The following HDX variants were observed in gnomAD, a reference collection of about 807,000 sequenced individuals.
The protein encoded by HDX is chromosome X open reading frame 43.
In HDX, 19 loss-of-function variants were observed where a neutral mutation model predicts 45.2. The ratio of observed to expected loss-of-function variants is 0.42; its 90% confidence interval spans 0.29 to 0.62. HDX has a LOEUF of 0.62. HDX is among the 20% of genes least tolerant of loss of function. HDX has a pLI of 0.20. For synonymous variants in HDX, 188 were observed against 172.8 expected (o/e 1.09, Z -0.69); for missense variants, 532 against 493.9 (o/e 1.08, Z -0.73).
intron 6 of HDX, among the ~76,000 whole-genome samples, 181 bp from the exon 7 acceptor site, chrX:84,344,638 T>A (rs1535040): frequency 0.084 from 9,299 of 111,173 alleles, 393 homozygotes; most frequent in East Asian, 0.26. Context: ...TATATTTTTA[T>A]AACTTATTTT....
At chrX:84,369,613 C>T (rs7890551) in intron 5 of HDX, among the ~76,000 whole-genome samples, 4,646 of 111,685 alleles carry the variant, frequency 0.042, 227 homozygotes, top group African/African-American at 0.14. Flanking sequence ...GTTTTTGCAC[C>T]TCTGTGTGTT....
At chrX:84,469,994 G>GAAACA (rs2040425864) in intron 3 of HDX, among the ~76,000 whole-genome samples, 1 of 111,320 alleles carries the variant, frequency 9.0e-6, no homozygotes, top group South Asian at 3.7e-4. Flanking sequence ...CATACTAAAG[G>GAAACA]TAGGCTATTT....
At chrX:84,389,267 A>T (rs758099525) in intron 5 of HDX, among the ~76,000 whole-genome samples, 8 of 111,080 alleles carry the variant, frequency 7.2e-5, no homozygotes, top group Non-Finnish European at 1.3e-4. Context: ...CCCTTCAATC[A>T]CCACTGCCAC....
chrX:84,334,853 T>C (rs1402556829), intron 8 of HDX, among the ~76,000 whole-genome samples: 2 of 110,482 alleles, frequency 1.8e-5, no homozygotes, highest in Non-Finnish European at 1.9e-5. Flanking sequence ...AGCACATAAA[T>C]AGCAACATGT....
intron 5 of HDX, among the ~76,000 whole-genome samples, chrX:84,399,241 G>A (rs2038639124): frequency 9.3e-6 from 1 of 107,128 alleles, no homozygotes; most frequent in Non-Finnish European, 1.9e-5. Context: ...AGGAGATAGA[G>A]ACACAAACCC....
At chrX:84,402,188 T>C (rs956646806) in intron 5 of HDX, among the ~76,000 whole-genome samples, 7 of 111,678 alleles carry the variant, frequency 6.3e-5, no homozygotes, top group Non-Finnish European at 1.1e-4. Flanking sequence ...TCTGCACTGG[T>C]ATTCTGGAAC....
intron 5 of HDX, among the ~76,000 whole-genome samples, chrX:84,379,316 G>A (rs2038131231): frequency 1.8e-5 from 2 of 110,078 alleles, no homozygotes; most frequent in Admixed American, 1.9e-4. Context: ...TTTCATCATT[G>A]GACAGGTCTT....
intron 5 of HDX, among the ~76,000 whole-genome samples, chrX:84,385,741 T>G (rs1416272776): frequency 9.0e-6 from 1 of 110,704 alleles, no homozygotes; most frequent in African/African-American, 3.3e-5. Context: ...TTATCAATTC[T>G]AGTTGCCTTT....
At chrX:84,483,619 G>C (rs902651448) in intron 2 of HDX, among the ~76,000 whole-genome samples, 19 of 112,338 alleles carry the variant, frequency 1.7e-4, no homozygotes, top group African/African-American at 2.3e-4. Context: ...ATGGGCTTCC[G>C]TGAAGACCTC....
chrX:84,447,150 C>A (rs1009053140), intron 4 of HDX, among the ~76,000 whole-genome samples: 1 of 111,478 alleles, frequency 9.0e-6, no homozygotes, highest in African/African-American at 3.3e-5. Context: ...TGGAAGATGC[C>A]GGAATGACAC....
chrX:84,326,336 A>G (rs889553275), intron 9 of HDX, 36 bp from the exon 10 acceptor site: 1 of 1,079,268 alleles, frequency 9.3e-7, no homozygotes, highest in Admixed American at 2.3e-5. Context: ...CAATTACCTT[A>G]TGTAAACCCA....
rs761879934 is a variant in HDX, at chrX:84,486,308, C to G, written c.-1+1716G>C. On this transcript the variant is annotated intron_variant, in intron 2 of 10. Coordinates refer to ENST00000373177, the MANE Select transcript of HDX (RefSeq NM_001177479.2). ...CCTCCCCTCTTTGTTTTATAGTCATCATACATAGTACATCTCCATGTATTA... is the reference window on the plus strand; with the variant it reads ...CCTCCCCTCTTTGTTTTATAGTCATGATACATAGTACATCTCCATGTATTA... Among the ~76,000 whole-genome samples, 15 of 111,465 alleles carry G rather than the reference C, an allele frequency of 1.3e-4. No homozygotes were observed. In the East Asian group the frequency reaches 4.2e-3, roughly 31 times the overall value.
At chrX:84,449,217 G>T (rs1285150386) in intron 4 of HDX, among the ~76,000 whole-genome samples, 1 of 110,480 alleles carries the variant, frequency 9.1e-6, no homozygotes, top group South Asian at 3.8e-4. Context: ...GGCAAAAAAA[G>T]AAAAAAGTCA....
At chrX:84,364,491 CTTTTTTTTTTTT>C (rs1169466223) in intron 5 of HDX, among the ~76,000 whole-genome samples, 1 of 48,238 alleles carries the variant, frequency 2.1e-5, no homozygotes, top group African/African-American at 9.8e-5. Flanking sequence ...AGTTATTCAC[CTTTTTTTTTTTT>C]TTTTTTTTTT....
rs191936099 is a variant in HDX at position 84,419,212 on chromosome X, T to C, written c.1305+21320A>G. Among the ~76,000 whole-genome samples, 221 of 110,172 alleles carry C rather than the reference T, an allele frequency of 2.0e-3. 4 individuals are homozygous for C. In the East Asian group the frequency reaches 0.049, roughly 24 times the overall value. On this transcript the variant is annotated intron_variant, in intron 5 of 10. Coordinates refer to ENST00000373177, the MANE Select transcript of HDX (RefSeq NM_001177479.2). Reference sequence around the variant, plus strand: ...AGGTACCAGCATGGCAACAGGCAGGTTGAGCATCAGGCGGGTTCTTGGGGT... The same window carrying C: ...AGGTACCAGCATGGCAACAGGCAGGCTGAGCATCAGGCGGGTTCTTGGGGT...
chrX:84,476,974 G>A (rs2040569135), intron 2 of HDX, among the ~76,000 whole-genome samples: 1 of 112,092 alleles, frequency 8.9e-6, no homozygotes, highest in African/African-American at 3.2e-5. Flanking sequence ...TCTCATTCAA[G>A]TGCACTAATG....
At chrX:84,390,873 A>G (rs1473908643) in intron 5 of HDX, among the ~76,000 whole-genome samples, 1 of 111,545 alleles carries the variant, frequency 9.0e-6, no homozygotes, top group Non-Finnish European at 1.9e-5. Flanking sequence ...GGGTACATGT[A>G]TTTGTTGCAT....
chrX:84,331,798 C>T (rs2036847602), intron 9 of HDX, among the ~76,000 whole-genome samples: 1 of 111,557 alleles, frequency 9.0e-6, no homozygotes, highest in South Asian at 3.7e-4. Flanking sequence ...GTATTCAATA[C>T]AGTGACATGC....
At chrX:84,382,947 A>T (rs1942117747) in intron 5 of HDX, among the ~76,000 whole-genome samples, 1 of 111,424 alleles carries the variant, frequency 9.0e-6, no homozygotes, top group Non-Finnish European at 1.9e-5. Flanking sequence ...CCTGTATCAA[A>T]ACATCTCATG....
Sources: gnomAD v4.1 joint callset for allele counts (sites outside exome capture counted in the v4.1 genomes callset) on GRCh38, gnomAD v4.1.1 for gene constraint, MANE v1.5 for transcripts, NCBI Gene and HGNC (gene_info 2026-07-23, HGNC 2026-07-21) for gene names.